ZNF273: variants seen among roughly 807,000 people sequenced by gnomAD.
ZNF273 encodes zinc finger protein 273, also known as zinc finger protein 9.
In ZNF273, 11 loss-of-function variants were observed where a neutral mutation model predicts 14.9. That is an observed-to-expected ratio of 0.74 (90% CI 0.46 to 1.22). ZNF273 has a LOEUF of 1.22. Ranked by LOEUF, ZNF273 falls within the 50% of genes most tolerant of loss-of-function variation. The pLI, the probability that ZNF273 is intolerant of heterozygous loss-of-function variation, is 0.00. For synonymous variants in ZNF273, 199 were observed against 223.9 expected, an observed-to-expected ratio of 0.89 and a Z score of 0.99; for missense variants, 577 against 660.6, an observed-to-expected ratio of 0.87 and a Z score of 1.39.
At position 64,930,487 on chromosome 7, in the gene ZNF273, AG is replaced by A; in HGVS notation, c.*1450del. 6.6e-6 allele frequency: 1 copy of A among 152,164 alleles called. No homozygotes were observed. Among genetic ancestry groups the A allele is most frequent in the Non-Finnish European group, 1.5e-5 (1 of 68,024 alleles). 9.4% of individuals were successfully genotyped at this position (152,164 alleles called of 1,614,324 possible). A position where few individuals can be genotyped will look rare whatever the true frequency, so the allele number is the denominator to read the frequency against. On this transcript the variant is annotated 3_prime_UTR_variant, in exon 4 of 4. Coordinates refer to ENST00000476120, the MANE Select transcript of ZNF273 (RefSeq NM_021148.3). ...TAATGCAGTACATTTCAAAATTTTT[AG>A]ATTATGTATGAACTTAGATTTTTAA...
At chr7:64,880,225 T>G (rs574129261), downstream of ZNF273, 5 of 152,368 alleles carry the variant, frequency 3.3e-5, no homozygotes, top group Non-Finnish European at 2.9e-5. Context: ...CAGACCATTC[T>G]GAGGAAATGT....
chr7:64,884,637 A>G (rs907098997), downstream of ZNF273, among the ~76,000 whole-genome samples: 5 of 152,110 alleles, frequency 3.3e-5, no homozygotes, highest in African/African-American at 1.2e-4. Context: ...ACAGTCTTCC[A>G]CTGACACCCT....
At position 64,928,735 on chromosome 7, in the gene ZNF273, A is replaced by T; in HGVS notation, c.1407A>T (p.Ala469=). Residue 469 remains alanine, a synonymous_variant, in exon 4 of 4, where the codon GCA becomes GCT. Coordinates refer to ENST00000476120, the MANE Select transcript of ZNF273 (RefSeq NM_021148.3). ...AAGAATGTGGCAGTGCCTTTAGGGC[A>T]TTCTCAACCCTTACTGAACATAAGA... ...KCEECGSAFR[A]FSTLTEHKRV... is the part of the protein sequence containing the mutation. 6.2e-7 allele frequency: 1 copy of T among 1,610,712 alleles called. No homozygotes were observed. The highest frequency in any genetic ancestry group is 8.5e-7 in the Non-Finnish European group (1 of 1,178,274).
Position 64,903,282 on chromosome 7 carries a change from T to G in ZNF273, c.-36T>G. The G allele has an allele frequency of 2.6e-6, 4 of 1,549,888 alleles. No individual in the cohort carries two copies. Among genetic ancestry groups the G allele is most frequent in the Non-Finnish European group, 3.6e-6 (4 of 1,125,436 alleles). The stretch of plus-strand genomic sequence containing the variant: ...ATTTGGCGGGGCCTTTGTCTCTCGC[T>G]GCAGTCGCAGCTCCAGGTCTCGTCT... On this transcript the variant is annotated 5_prime_UTR_variant, in exon 1 of 4. Coordinates refer to ENST00000476120, the MANE Select transcript of ZNF273 (RefSeq NM_021148.3).
chr7:64,881,058 GA>G (rs1036467017), downstream of ZNF273, among the ~76,000 whole-genome samples: 9 of 152,208 alleles, frequency 5.9e-5, no homozygotes, highest in African/African-American at 2.2e-4. Flanking sequence ...AGATGATACA[GA>G]AGGTGCTTCC....
chr7:64,894,354 A>G (rs183130963), downstream of ZNF273, among the ~76,000 whole-genome samples: 1 of 152,220 alleles, frequency 6.6e-6, no homozygotes, highest in African/African-American at 2.4e-5. Context: ...CCGTCTGGAT[A>G]TATTTTGAAC....
At position 64,928,605 on chromosome 7, in the gene ZNF273, A is replaced by T. The variant is rs879214094; in HGVS notation, c.1277A>T (p.Lys426Ile). Reference sequence around the variant, plus strand: ...ACTAAACATAAGAGAATTTATACTAAAGAGAAACCATACAAATGTGAAGAA... The same window carrying T: ...ACTAAACATAAGAGAATTTATACTATAGAGAAACCATACAAATGTGAAGAA... Reference protein sequence around the residue: ...TLTKHKRIYTKEKPYKCEECG... With the variant: ...TLTKHKRIYTIEKPYKCEECG... Residue 426 changes from lysine (K) to isoleucine (I), a missense_variant, in exon 4 of 4, where the codon AAA becomes ATA. By Grantham distance (102) the Lys-to-Ile change is moderately radical (BLOSUM62 -3). Transcript: ENST00000476120. The T allele has an allele frequency of 3.1e-6, 5 of 1,612,896 alleles. No homozygotes were observed. Among genetic ancestry groups the T allele is most frequent in the Non-Finnish European group, 4.2e-6 (5 of 1,179,652 alleles).
downstream of ZNF273, among the ~76,000 whole-genome samples, chr7:64,894,153 T>C (rs1460951463): frequency 6.6e-6 from 1 of 152,110 alleles, no homozygotes; most frequent in Non-Finnish European, 1.5e-5. Flanking sequence ...TACAGGCGCG[T>C]GCCACTACAC....
intron 1 of ZNF273, among the ~76,000 whole-genome samples, chr7:64,906,338 CTACA>C (rs879919596): frequency 8.5e-5 from 13 of 152,072 alleles, no homozygotes; most frequent in Admixed American, 5.2e-4. Context: ...TGACTGTTTA[CTACA>C]TGATTTTTAA....
chr7:64,894,081 T>A (rs141270666), downstream of ZNF273, among the ~76,000 whole-genome samples: 1,396 of 152,278 alleles, frequency 9.2e-3, 16 homozygotes, highest in African/African-American at 0.032. Flanking sequence ...CTGGGCTCAC[T>A]GCAACCTCCG....
chr7:64,882,923 C>G (rs1447405905), downstream of ZNF273: 1 of 152,486 alleles, frequency 6.6e-6, no homozygotes, highest in Non-Finnish European at 1.5e-5. Context: ...CTGTGTGTTT[C>G]TGCGGGAGTG....
At chr7:64,911,179 CTTTAG>C (rs1793484749) in intron 1 of ZNF273, among the ~76,000 whole-genome samples, 1 of 151,444 alleles carries the variant, frequency 6.6e-6, no homozygotes, top group African/African-American at 2.4e-5. Flanking sequence ...TGGGTTTTGT[CTTTAG>C]TTTTGTTTAT....
At chr7:64,925,438 G>A (rs1282435574) in intron 3 of ZNF273, among the ~76,000 whole-genome samples, 1 of 151,722 alleles carries the variant, frequency 6.6e-6, no homozygotes, top group Non-Finnish European at 1.5e-5. Context: ...AAGTTTTTTT[G>A]TTTGTTTTTG....
chr7:64,914,211 T>C (rs1283241538), intron 1 of ZNF273, among the ~76,000 whole-genome samples: 1 of 106,528 alleles, frequency 9.4e-6, no homozygotes, highest in Non-Finnish European at 1.8e-5. Context: ...TTTTTTTTAG[T>C]ACAGATGGGG....
At chr7:64,898,729 T>C (rs905394989), upstream of ZNF273, among the ~76,000 whole-genome samples, 2 of 152,276 alleles carry the variant, frequency 1.3e-5, no homozygotes, top group African/African-American at 2.4e-5. Flanking sequence ...TTGAGTCACT[T>C]AGGGGAAATT....
upstream of ZNF273, among the ~76,000 whole-genome samples, chr7:64,902,052 A>T (rs1476202854): frequency 6.7e-6 from 1 of 148,488 alleles, no homozygotes; most frequent in Non-Finnish European, 1.5e-5. Context: ...ATTATTATAC[A>T]TATTTTATAT....
chr7:64,889,425 T>C (rs1256014773), downstream of ZNF273: 4 of 985,384 alleles, frequency 4.1e-6, no homozygotes, highest in African/African-American at 3.5e-5. This position sits in a 1 kb window ranked among gnomAD's most constrained non-coding sequence, Gnocchi z 4.2. Flanking sequence ...GCGGAGCCCC[T>C]TCCCACTCGG....
chr7:64,933,655 C>T (rs1795035530), downstream of ZNF273: 1 of 152,158 alleles, frequency 6.6e-6, no homozygotes, highest in South Asian at 2.1e-4. Context: ...ACAAAAGCCA[C>T]ACAAGAACTA....
At chr7:64,892,929 C>T (rs1792123581), downstream of ZNF273, among the ~76,000 whole-genome samples, 2 of 152,092 alleles carry the variant, frequency 1.3e-5, no homozygotes, top group South Asian at 4.2e-4. Context: ...TCATATTGCC[C>T]ATTCCTTTAC....
Sources: gnomAD v4.1 joint callset for allele counts (sites outside exome capture counted in the v4.1 genomes callset) on GRCh38, gnomAD v4.1.1 for gene constraint, Gnocchi (gnomAD v3.1) non-coding constraint, MANE v1.5 for transcripts, NCBI Gene and HGNC (gene_info 2026-07-23, HGNC 2026-07-21) for gene names.